KIF21A: variants seen among roughly 807,000 people sequenced by gnomAD.
KIF21A encodes kinesin family member 21A, also known as kinesin-like protein KIF21A.
Under a neutral mutation model 202.9 loss-of-function variants are expected in KIF21A, and 114 were observed. That is an observed-to-expected ratio of 0.56 (90% CI 0.48 to 0.66). The LOEUF (loss-of-function observed/expected upper bound fraction) is 0.66. Ranked by LOEUF, KIF21A falls within the 30% of genes least tolerant of loss-of-function variation. The pLI is 0.00. For synonymous variants in KIF21A, 667 were observed against 670.8 expected, an observed-to-expected ratio of 0.99 and a Z score of 0.09; for missense variants, 1,677 against 1,994.9, an observed-to-expected ratio of 0.84 and a Z score of 3.04.
At chr12:39,326,408 A>G in intron 24 of KIF21A, 84 bp from the exon 25 acceptor site, 1 of 862,694 alleles carries the variant, frequency 1.2e-6, no homozygotes, top group Non-Finnish European at 2.0e-6. Flanking sequence ...GTAATAAACA[A>G]CAGCTCAACA....
At position 39,307,680 on chromosome 12, in the gene KIF21A, G is replaced by A. The variant is rs771502610; in HGVS notation, c.4327C>T (p.Arg1443Ter). Residue 1443 changes from arginine (R) to a stop codon, truncating the protein, a stop_gained, in exon 34 of 38, where the codon CGA becomes TGA. Transcript: ENST00000361418. LOFTEE classifies it high-confidence loss of function. ...TCTCCAGAAGGAATAGCTACTGTTC[G>A]ACTGGTACTTGCAGAACAAGCATCT... ...LGDACSASTSRTVAIPSGENQ... is the reference protein window; with the variant it reads ...LGDACSASTS The A allele has an allele frequency of 3.1e-6, 5 of 1,613,818 alleles. No homozygotes were observed. Among genetic ancestry groups the A allele is most frequent in the Admixed American group, 1.7e-5 (1 of 59,994 alleles).
At chr12:39,347,703 A>T (rs1948019459) in intron 11 of KIF21A, among the ~76,000 whole-genome samples, 1 of 152,040 alleles carries the variant, frequency 6.6e-6, no homozygotes, top group African/African-American at 2.4e-5. Flanking sequence ...TATACCAGTA[A>T]TCAAATGGTC....
At chr12:39,387,270 A>T (rs1951013324) in intron 1 of KIF21A, among the ~76,000 whole-genome samples, 1 of 151,854 alleles carries the variant, frequency 6.6e-6, no homozygotes, top group Admixed American at 6.6e-5. Flanking sequence ...CCTTACATGT[A>T]TCAGCAGGAA....
intron 14 of KIF21A, among the ~76,000 whole-genome samples, 198 bp downstream of exon 14, chr12:39,341,307 T>C (rs564255889): frequency 1.2e-4 from 18 of 152,258 alleles, no homozygotes; most frequent in African/African-American, 3.4e-4. Context: ...TAGGTAAGAA[T>C]GGAAATCACA....
intron 1 of KIF21A, among the ~76,000 whole-genome samples, chr12:39,380,205 C>T (rs1464153109): frequency 1.3e-5 from 2 of 152,202 alleles, no homozygotes; most frequent in Non-Finnish European, 2.9e-5. Flanking sequence ...TGTGCTCAGG[C>T]AATCCGCCTG....
At chr12:39,363,846 CAT>C (rs1949418865) in intron 6 of KIF21A, among the ~76,000 whole-genome samples, 1 of 152,094 alleles carries the variant, frequency 6.6e-6, no homozygotes, top group Admixed American at 6.5e-5. Flanking sequence ...GGGGAAACCC[CAT>C]CTCTACTGAA....
At chr12:39,318,012 C>A in intron 29 of KIF21A, 61 bp downstream of exon 29, 1 of 1,522,632 alleles carries the variant, frequency 6.6e-7, no homozygotes, top group African/African-American at 1.4e-5. Flanking sequence ...TTTCTACAGA[C>A]TGTATTGACA....
chr12:39,361,885 G>A (rs544136484), intron 7 of KIF21A, among the ~76,000 whole-genome samples: 1 of 152,282 alleles, frequency 6.6e-6, no homozygotes, highest in African/African-American at 2.4e-5. Flanking sequence ...TTGGATAATA[G>A]TTGTTGATAC....
intron 11 of KIF21A, 53 bp from the exon 12 acceptor site, chr12:39,346,557 C>G (rs1191566940): frequency 5.4e-6 from 7 of 1,293,762 alleles, no homozygotes; most frequent in African/African-American, 1.5e-5. Flanking sequence ...AAGGACAAAC[C>G]AGACAGTAAA....
At chr12:39,396,060 G>A (rs1439444614) in intron 1 of KIF21A, among the ~76,000 whole-genome samples, 1 of 151,876 alleles carries the variant, frequency 6.6e-6, no homozygotes, top group African/African-American at 2.4e-5. Context: ...CGAACAATTA[G>A]TCCACCATCA....
chr12:39,330,219 C>T, intron 24 of KIF21A, 23 bp downstream of exon 24: 3 of 1,602,466 alleles, frequency 1.9e-6, no homozygotes, highest in Non-Finnish European at 2.6e-6. Flanking sequence ...CTGTAGGATA[C>T]ACAGAAAGCT....
intron 1 of KIF21A, among the ~76,000 whole-genome samples, chr12:39,374,259 C>T (rs561761013): frequency 6.6e-6 from 1 of 152,138 alleles, no homozygotes; most frequent in East Asian, 1.9e-4. Context: ...ATATACATAT[C>T]CTTCTGTAAA....
Position 39,325,891 on chromosome 12 carries a change from G to A in KIF21A, c.3404C>T (p.Thr1135Met), listed in dbSNP as rs965774800. 1.1e-5 allele frequency: 18 copies of A among 1,609,206 alleles called. No homozygotes were observed. The highest frequency in any genetic ancestry group is 1.1e-4 in the African/African-American group (8 of 74,754). The change falls in exon 26 of 38, where the codon ACG becomes ATG. Residue 1135 changes from threonine to methionine, a missense_variant and splice_region_variant. Physicochemically the swap from Thr to Met is moderately conservative, Grantham distance 81. Transcript: ENST00000361418. Reference protein sequence around the residue: ...PLNSPGSEGSTLSSDLMKLCG... With the variant: ...PLNSPGSEGSMLSSDLMKLCG... ...AAGCTTCATGAGATCTGAAGACAGC[G>A]TGCTATGTGCAAATAAATAATTAAG...
chr12:39,380,254 C>G (rs957915673), intron 1 of KIF21A, among the ~76,000 whole-genome samples: 50 of 152,238 alleles, frequency 3.3e-4, no homozygotes, highest in African/African-American at 1.2e-3. Flanking sequence ...AGGCGTGAGC[C>G]ACCGCTCCCG....
rs1372279488 is a variant in KIF21A, at chr12:39,416,815, G to GTA, written c.44+26110_44+26111dup. Among the ~76,000 whole-genome samples the GTA allele has an allele frequency of 2.1e-5, 2 of 94,158 alleles. 1 individual carries two copies. Among genetic ancestry groups the GTA allele is most frequent in the African/African-American group, 8.6e-5 (2 of 23,284 alleles). The allele number at this position is 94,158 out of a possible 152,430, so 61.8% of individuals were successfully genotyped here. On this transcript the variant is annotated intron_variant, in intron 1 of 37. Coordinates refer to ENST00000361418, the MANE Select transcript of KIF21A (RefSeq NM_001173464.2). The stretch of plus-strand genomic sequence containing the variant: ...TATATATATGTACATATATATGTGT[G>GTA]TATATATGTACATATATGTGTATAT...
Position 39,351,959 on chromosome 12 carries a change from T to C in KIF21A, c.1491A>G (p.Glu497=). ...EDLRAKLLES[E]AVNENLRKNL... ...TTTTTCGAAGGTTCTCATTCACTGC[T>C]TCACTTTCTAATAATTTTGCCCTAG... The change falls in exon 11 of 38, where the codon GAA becomes GAG. Residue 497 remains glutamate (E), a synonymous_variant. Transcript: ENST00000361418. 2 of 1,613,102 alleles carry C rather than the reference T, an allele frequency of 1.2e-6. No individual in the cohort carries two copies. Among genetic ancestry groups the C allele is most frequent in the Non-Finnish European group, 1.7e-6 (2 of 1,179,240 alleles).
chr12:39,326,798 AT>A (rs1372371011), intron 24 of KIF21A, among the ~76,000 whole-genome samples: 3 of 152,110 alleles, frequency 2.0e-5, no homozygotes, highest in Non-Finnish European at 4.4e-5. Flanking sequence ...TCCTTTTTTA[AT>A]TTTTGTATTT....
intron 34 of KIF21A, among the ~76,000 whole-genome samples, chr12:39,307,128 T>C (rs1293310546): frequency 1.3e-5 from 2 of 152,260 alleles, no homozygotes; most frequent in South Asian, 2.1e-4. Context: ...TTATTTTATA[T>C]TCACAAAAAT....
intron 1 of KIF21A, among the ~76,000 whole-genome samples, chr12:39,394,369 C>A (rs1238394366): frequency 1.3e-5 from 2 of 152,180 alleles, no homozygotes; most frequent in Non-Finnish European, 2.9e-5. Context: ...CCTCTTACTG[C>A]TTTTGGCAAA....
Sources: allele counts gnomAD v4.1 joint callset (sites outside exome capture counted in the v4.1 genomes callset), GRCh38; gene constraint gnomAD v4.1.1; transcripts MANE v1.5; gene names NCBI Gene and HGNC (gene_info 2026-07-23, HGNC 2026-07-21).